PRSS55: variants seen among roughly 807,000 people sequenced by gnomAD.
The protein encoded by PRSS55 is probable serine protease UNQ9391/PRO34284.
A neutral mutation model predicts 23.6 loss-of-function variants in PRSS55; 41 were observed. The observed-to-expected ratio is 1.74, with a 90% CI of 1.35 to 2.26. PRSS55 has a LOEUF of 2.26. Among genes scored for constraint, PRSS55 ranks in the 30% most tolerant of loss-of-function variants. The pLI, the probability that PRSS55 is intolerant of heterozygous loss-of-function variation, is 0.00. For missense variants in PRSS55, 669 were observed against 439.1 expected, an observed-to-expected ratio of 1.52 and a Z score of -4.68; for synonymous variants, 262 against 175.5, an observed-to-expected ratio of 1.49 and a Z score of -3.90.
In PRSS55 at chr8:10,538,484, T is replaced by TG. The variant is rs751829343; in HGVS notation, c.756dup (p.Pro253AlafsTer10). The TG allele has an allele frequency of 4.3e-6, 7 of 1,612,322 alleles. No homozygotes were observed. Among genetic ancestry groups the TG allele is most frequent in the East Asian group, 2.2e-5 (1 of 44,860 alleles). ...GTGTTCTCTGCCCACAGGGTGACAG[T>TG]GGGGGGCCTCTGGTCTGCACCCCAG... On this transcript the variant is annotated frameshift_variant, in exon 5 of 5. Coordinates refer to ENST00000328655, the MANE Select transcript of PRSS55 (RefSeq NM_198464.4). LOFTEE classifies it low-confidence loss of function (END_TRUNC).
chr8:10,544,684 TTAG>T (rs1812769835), intron 4 of PRSS55, among the ~76,000 whole-genome samples: 1 of 152,230 alleles, frequency 6.6e-6, no homozygotes, highest in Non-Finnish European at 1.5e-5. Flanking sequence ...AGTTGTTTTC[TTAG>T]TAGTTGCACT....
chr8:10,546,878 C>T (rs1339705695), intron 4 of PRSS55, among the ~76,000 whole-genome samples: 1 of 152,026 alleles, frequency 6.6e-6, no homozygotes, highest in Non-Finnish European at 1.5e-5. Context: ...ACAAGTTCCC[C>T]CTATGTTTCC....
intron 4 of PRSS55, among the ~76,000 whole-genome samples, chr8:10,552,511 T>A (rs747356465): frequency 6.6e-6 from 1 of 152,098 alleles, no homozygotes; most frequent in Non-Finnish European, 1.5e-5. Context: ...GAGAAAACAT[T>A]TGCAAACCAT....
At chr8:10,531,815 C>T in intron 3 of PRSS55, 1 of 483,262 alleles carries the variant, frequency 2.1e-6, no homozygotes, top group Admixed American at 3.6e-5. Flanking sequence ...TGCAGTTAGC[C>T]AGAGGCCCCT....
intron 4 of PRSS55, among the ~76,000 whole-genome samples, chr8:10,548,590 G>A (rs1017218879): frequency 6.6e-6 from 1 of 152,136 alleles, no homozygotes; most frequent in Non-Finnish European, 1.5e-5. Context: ...GACACGGTGA[G>A]CCAGGAATCT....
chr8:10,552,654 G>T (rs886562809), intron 4 of PRSS55, among the ~76,000 whole-genome samples: 4 of 152,166 alleles, frequency 2.6e-5, no homozygotes, highest in African/African-American at 9.7e-5. Context: ...CACATAAGTG[G>T]CTAAATGAAA....
intron 4 of PRSS55, among the ~76,000 whole-genome samples, chr8:10,551,584 G>A (rs910018701): frequency 5.3e-5 from 8 of 152,216 alleles, no homozygotes; most frequent in Admixed American, 1.3e-4. Flanking sequence ...GTCATCTTGT[G>A]CGAGGTAGGG....
intron 4 of PRSS55, among the ~76,000 whole-genome samples, chr8:10,553,383 A>G (rs574593279): frequency 3.3e-5 from 5 of 152,192 alleles, no homozygotes; most frequent in Admixed American, 6.5e-5. Context: ...CTAATACAAC[A>G]TAGAAACAAC....
At chr8:10,543,959 G>T (rs58522736) in intron 4 of PRSS55, among the ~76,000 whole-genome samples, 2,574 of 152,232 alleles carry the variant, frequency 0.017, 78 homozygotes, top group African/African-American at 0.058. Flanking sequence ...CTATCCTAAA[G>T]AATATTTTAT....
rs956234305 is a variant in PRSS55 at position 10,536,229 on chromosome 8, T to A, written c.742-2247T>A. Among the ~76,000 whole-genome samples, 140 of 152,024 alleles carry A rather than the reference T, an allele frequency of 9.2e-4. 2 individuals are homozygous for A. Among genetic ancestry groups the A allele is most frequent in the African/African-American group, 2.4e-3 (101 of 41,444 alleles). On this transcript the variant is annotated intron_variant, in intron 4 of 4. Transcript: ENST00000328655. Reference sequence around the variant, plus strand: ...AACAGACACTTCTCAAAAGAAGACATACATGCAGCCAACAAGCATATGAAA... The same window carrying A: ...AACAGACACTTCTCAAAAGAAGACAAACATGCAGCCAACAAGCATATGAAA...
At chr8:10,536,588 A>G (rs1338489848) in intron 4 of PRSS55, among the ~76,000 whole-genome samples, 1 of 152,216 alleles carries the variant, frequency 6.6e-6, no homozygotes, top group Non-Finnish European at 1.5e-5. Flanking sequence ...AGCGCTATTC[A>G]CAGTAGCAAA....
chr8:10,549,633 T>A (rs764483199), intron 4 of PRSS55, among the ~76,000 whole-genome samples: 1 of 152,178 alleles, frequency 6.6e-6, no homozygotes, highest in African/African-American at 2.4e-5. Flanking sequence ...GCCCACCTGC[T>A]GTTCAGTGGC....
At chr8:10,527,934 C>T (rs939252936) in intron 1 of PRSS55, among the ~76,000 whole-genome samples, 7 of 151,948 alleles carry the variant, frequency 4.6e-5, no homozygotes, top group East Asian at 3.9e-4. Flanking sequence ...CCGAATAGGC[C>T]GGGCATGGTG....
At chr8:10,550,806 G>T (rs1478787905) in intron 4 of PRSS55, among the ~76,000 whole-genome samples, 1 of 152,250 alleles carries the variant, frequency 6.6e-6, no homozygotes, top group East Asian at 1.9e-4. Flanking sequence ...CATGGCAGGT[G>T]TGTGTGTGCA....
chr8:10,539,067 G>A (rs547875569), downstream of PRSS55, among the ~76,000 whole-genome samples: 3 of 149,076 alleles, frequency 2.0e-5, no homozygotes, highest in Non-Finnish European at 3.0e-5. Flanking sequence ...AAAAAAAAAA[G>A]CCAACAAACA....
intron 4 of PRSS55, among the ~76,000 whole-genome samples, chr8:10,545,512 G>A (rs1230349110): frequency 2.0e-5 from 3 of 152,060 alleles, no homozygotes; most frequent in African/African-American, 7.2e-5. Flanking sequence ...CTCTTCTTGG[G>A]CCAGTAACAA....
chr8:10,532,230 C>A (rs554378793), intron 3 of PRSS55, among the ~76,000 whole-genome samples: 1 of 152,004 alleles, frequency 6.6e-6, no homozygotes, highest in Admixed American at 6.6e-5. Flanking sequence ...GAGGGGGAAG[C>A]GGTGGGACCT....
chr8:10,550,085 A>T (rs938007704), intron 4 of PRSS55, among the ~76,000 whole-genome samples: 2 of 151,944 alleles, frequency 1.3e-5, no homozygotes, highest in Non-Finnish European at 2.9e-5. Flanking sequence ...TGCCCTGCTA[A>T]TTTTTGTATT....
intron 4 of PRSS55, among the ~76,000 whole-genome samples, chr8:10,544,611 G>C (rs775274665): frequency 1.3e-5 from 2 of 152,054 alleles, no homozygotes; most frequent in Non-Finnish European, 2.9e-5. Context: ...ATAGCCTTTT[G>C]TGTCAAGTCA....
Sources: gnomAD v4.1 joint callset for allele counts (sites outside exome capture counted in the v4.1 genomes callset) on GRCh38, gnomAD v4.1.1 for gene constraint, MANE v1.5 for transcripts, NCBI Gene and HGNC (gene_info 2026-07-23, HGNC 2026-07-21) for gene names.